Variants in STPG4 observed in about 807,000 individuals in gnomAD.
STPG4 encodes sperm-tail PG-rich repeat containing 4, also known as protein STPG4.
STPG4 carries 41 observed loss-of-function variants against 31.5 expected under a neutral mutation model. That is an observed-to-expected ratio of 1.30 (90% CI 1.01 to 1.69). STPG4 has a LOEUF of 1.69. Among genes scored for constraint, STPG4 ranks in the 40% most tolerant of loss-of-function variants. The pLI, the probability that STPG4 is intolerant of heterozygous loss-of-function variation, is 0.00. For missense variants in STPG4, 375 were observed against 293.4 expected (o/e 1.28, Z -2.03); for synonymous variants, 141 against 103.0 (o/e 1.37, Z -2.24).
chr2:47,108,088 T>G (rs1685958795), intron 5 of STPG4, among the ~76,000 whole-genome samples: 1 of 151,292 alleles, frequency 6.6e-6, no homozygotes, highest in Admixed American at 6.6e-5. Flanking sequence ...TGGAGAACCT[T>G]TGTGTCAACA....
At chr2:47,113,827 G>C (rs1218677513) in intron 5 of STPG4, among the ~76,000 whole-genome samples, 1 of 152,046 alleles carries the variant, frequency 6.6e-6, no homozygotes, top group Non-Finnish European at 1.5e-5. Flanking sequence ...GAGGTCAAGA[G>C]ATCAAGACCA....
intron 3 of STPG4, among the ~76,000 whole-genome samples, chr2:47,130,739 T>C (rs1686463635): frequency 6.6e-6 from 1 of 152,180 alleles, no homozygotes; most frequent in South Asian, 2.1e-4. Context: ...GGTCTTGAAC[T>C]CCTGGCCTCA....
At chr2:47,148,061 C>A (rs768094611) in intron 3 of STPG4, among the ~76,000 whole-genome samples, 1 of 151,638 alleles carries the variant, frequency 6.6e-6, no homozygotes, top group African/African-American at 2.4e-5. Context: ...AAGCAATTCT[C>A]GTGCCTCAGC....
intron 5 of STPG4, among the ~76,000 whole-genome samples, chr2:47,112,694 T>C (rs981297048): frequency 3.3e-5 from 5 of 152,220 alleles, no homozygotes; most frequent in African/African-American, 9.6e-5. Flanking sequence ...TATATCAACA[T>C]TGAGGCAGCC....
In STPG4 at chr2:47,130,668, C is replaced by T. The variant is rs190833163; in HGVS notation, c.400-408G>A. On this transcript the variant is annotated intron_variant, in intron 3 of 6. Coordinates refer to ENST00000445927, the MANE Select transcript of STPG4 (RefSeq NM_001163561.2). The stretch of plus-strand genomic sequence containing the variant: ...TAGCTGGGATTAGAGGTGCACACCA[C>T]CACGCCCAGCTAATTTTTGTATTTT... 1.9e-3 allele frequency among the ~76,000 whole-genome samples: 287 copies of T among 152,246 alleles called. 1 individual carries two copies. Among genetic ancestry groups the T allele is most frequent in the African/African-American group, 6.7e-3 (277 of 41,540 alleles).
At chr2:47,104,298 T>G (rs940817623) in intron 5 of STPG4, among the ~76,000 whole-genome samples, 1 of 151,970 alleles carries the variant, frequency 6.6e-6, no homozygotes, top group African/African-American at 2.4e-5. Context: ...GGAATACTGT[T>G]AAACATTTGA....
Position 47,129,998 on chromosome 2 carries a change from A to G in STPG4, c.465-3T>C, listed in dbSNP as rs1341663659. 6.5e-6 allele frequency: 10 copies of G among 1,535,968 alleles called. No individual in the cohort carries two copies. Among genetic ancestry groups the G allele is most frequent in the South Asian group, 1.2e-5 (1 of 85,400 alleles). ...CTGTTGAGCGAAATACACAGCTCCTATATTTCAAAATAAAAAAGAAAAGTG... is the reference window on the plus strand; with the variant it reads ...CTGTTGAGCGAAATACACAGCTCCTGTATTTCAAAATAAAAAAGAAAAGTG... On this transcript the variant is annotated splice_region_variant and splice_polypyrimidine_tract_variant and intron_variant, in intron 4 of 6. Transcript: ENST00000445927.
At chr2:47,135,962 A>G (rs1462557305) in intron 3 of STPG4, among the ~76,000 whole-genome samples, 1 of 152,094 alleles carries the variant, frequency 6.6e-6, no homozygotes, top group African/African-American at 2.4e-5. Flanking sequence ...TGTGTTGGCT[A>G]TTCTAGGTTT....
chr2:47,111,710 T>C (rs1466442414), intron 5 of STPG4, among the ~76,000 whole-genome samples: 1 of 152,174 alleles, frequency 6.6e-6, no homozygotes, highest in African/African-American at 2.4e-5. Context: ...GTAGAATATG[T>C]CCTCTGGCGT....
chr2:47,146,098 G>T (rs1339190800), intron 3 of STPG4, among the ~76,000 whole-genome samples: 1 of 152,166 alleles, frequency 6.6e-6, no homozygotes, highest in East Asian at 1.9e-4. Context: ...AGTGGGTCAG[G>T]AAGAGAGTGA....
chr2:47,121,067 G>C (rs1194802057), intron 5 of STPG4: 2 of 154,040 alleles, frequency 1.3e-5, no homozygotes, highest in African/African-American at 4.8e-5. Flanking sequence ...TTGCGAAGGA[G>C]AAGCAAGCTG....
intron 5 of STPG4, among the ~76,000 whole-genome samples, chr2:47,123,154 G>A (rs938076035): frequency 2.6e-5 from 4 of 152,040 alleles, no homozygotes; most frequent in Non-Finnish European, 5.9e-5. Flanking sequence ...TCTTTCAGAT[G>A]ATTTATATAA....
chr2:47,116,750 T>A (rs761402917), intron 5 of STPG4, among the ~76,000 whole-genome samples: 4 of 152,170 alleles, frequency 2.6e-5, no homozygotes, highest in Non-Finnish European at 4.4e-5. Flanking sequence ...TTGATCAATA[T>A]TTTCCTCATT....
At chr2:47,155,075 C>T (rs815806) in intron 1 of STPG4, 96 bp downstream of exon 1, 5 of 1,148,860 alleles carry the variant, frequency 4.4e-6, no homozygotes, top group Non-Finnish European at 6.5e-6. Flanking sequence ...GGAACGAGAG[C>T]GGCACGAAGG....
At chr2:47,110,971 C>G (rs1450725116) in intron 5 of STPG4, among the ~76,000 whole-genome samples, 1 of 152,290 alleles carries the variant, frequency 6.6e-6, no homozygotes, top group African/African-American at 2.4e-5. Context: ...AATTAAAACT[C>G]TTATAGCCAC....
At chr2:47,137,293 A>C (rs973636344) in intron 3 of STPG4, among the ~76,000 whole-genome samples, 1 of 152,146 alleles carries the variant, frequency 6.6e-6, no homozygotes, top group African/African-American at 2.4e-5. Flanking sequence ...TTGATTTTTA[A>C]AATATTGAGC....
At position 47,152,875 on chromosome 2, in the gene STPG4, G is replaced by C. The variant is rs1026311386; in HGVS notation, c.141+82C>G. On this transcript the variant is annotated intron_variant, in intron 2 of 6. Transcript: ENST00000445927. ...AATCACTGTTTTCTTACAATTTAGT[G>C]TTAGTCTTAAAAGCTATAATTGATT... is the stretch of plus-strand genomic sequence containing the variant. The C allele has an allele frequency of 5.9e-5, 58 of 976,100 alleles. No homozygotes were observed. In the African/African-American group the frequency reaches 8.9e-4, roughly 15 times the overall value. The allele number at this position is 976,100 out of a possible 1,614,324, so 60.5% of individuals were successfully genotyped here. A position where few individuals can be genotyped will look rare whatever the true frequency, so the allele number is the denominator to read the frequency against.
intron 3 of STPG4, among the ~76,000 whole-genome samples, chr2:47,133,157 C>A (rs1298228922): frequency 1.3e-5 from 2 of 151,626 alleles, no homozygotes; most frequent in African/African-American, 4.9e-5. Flanking sequence ...CTAACTCCAA[C>A]ATATGCTTCT....
rs564318183 is a variant in STPG4, at chr2:47,121,542, C to A, written c.519+8399G>T. Among the ~76,000 whole-genome samples the A allele has an allele frequency of 7.2e-5, 11 of 152,270 alleles. No homozygotes were observed. The South Asian group carries it at 2.1e-3, about 29-fold the overall frequency. ...AGGAAAAGCCAGGTCCTTATCCCAC[C>A]CATCCAGTATGAAACCCACCTGGAG... On this transcript the variant is annotated intron_variant, in intron 5 of 6. Transcript: ENST00000445927.
Sources: gnomAD v4.1 joint callset for allele counts (sites outside exome capture counted in the v4.1 genomes callset) on GRCh38, gnomAD v4.1.1 for gene constraint, MANE v1.5 for transcripts, NCBI Gene and HGNC (gene_info 2026-07-23, HGNC 2026-07-21) for gene names.